UACA: variants seen among roughly 807,000 people sequenced by gnomAD.
UACA encodes uveal autoantigen with coiled-coil domains and ankyrin repeats.
UACA carries 112 observed loss-of-function variants against 160.5 expected under a neutral mutation model. The ratio of observed to expected loss-of-function variants is 0.70; its 90% CI spans 0.60 to 0.82. The LOEUF is 0.82. UACA is among the 40% of genes least tolerant of loss of function. The pLI, the probability that UACA is intolerant of heterozygous loss-of-function variation, is 0.00. For missense variants in UACA, 1,574 were observed against 1,614.6 expected, an observed-to-expected ratio of 0.97 and a Z score of 0.43; for synonymous variants, 557 against 568.4, an observed-to-expected ratio of 0.98 and a Z score of 0.29.
At chr15:70,715,514 T>C (rs1222604544) in intron 1 of UACA, among the ~76,000 whole-genome samples, 1 of 152,188 alleles carries the variant, frequency 6.6e-6, no homozygotes, top group Non-Finnish European at 1.5e-5. Flanking sequence ...ATTACACTAT[T>C]AGCCAATATT....
chr15:70,673,020 TG>T (rs1360514206), intron 13 of UACA, among the ~76,000 whole-genome samples: 1 of 152,130 alleles, frequency 6.6e-6, no homozygotes, highest in Non-Finnish European at 1.5e-5. Flanking sequence ...TGCTTGAACC[TG>T]GGAGGCGGAG....
At chr15:70,737,678 A>T (rs1899409974) in intron 1 of UACA, among the ~76,000 whole-genome samples, 1 of 152,242 alleles carries the variant, frequency 6.6e-6, no homozygotes, top group Admixed American at 6.5e-5. Flanking sequence ...ACTGTACTTT[A>T]ACCTGGGTGG....
chr15:70,699,520 T>C lies in UACA; in HGVS notation c.212+7A>G, dbSNP rs1376029473. On this transcript the variant is annotated splice_region_variant and intron_variant, in intron 2 of 18. Transcript: ENST00000322954. ...TCAGACATGCTTTTATCATCAATAA[T>C]ACTTACACAGATCTGCCTTCCACAT... 5 of 1,611,548 alleles carry C rather than the reference T, an allele frequency of 3.1e-6. No individual in the cohort carries two copies. Among genetic ancestry groups the C allele is most frequent in the Non-Finnish European group, 3.4e-6 (4 of 1,179,144 alleles).
At chr15:70,704,732 C>T (rs1440304008) in intron 1 of UACA, among the ~76,000 whole-genome samples, 1 of 152,110 alleles carries the variant, frequency 6.6e-6, no homozygotes, top group African/African-American at 2.4e-5. Flanking sequence ...TAGGCACTGG[C>T]GAGAGTCACA....
chr15:70,661,930 A>T (rs1029498999), intron 17 of UACA, among the ~76,000 whole-genome samples: 4 of 152,238 alleles, frequency 2.6e-5, no homozygotes, highest in African/African-American at 9.6e-5. Flanking sequence ...AACTGGAAGC[A>T]TTCCCTTTGA....
intron 1 of UACA, among the ~76,000 whole-genome samples, chr15:70,728,760 CA>C (rs1385601048): frequency 1.3e-5 from 2 of 152,068 alleles, no homozygotes; most frequent in African/African-American, 4.8e-5. Flanking sequence ...ACACAACCTA[CA>C]GAACAGGAGA....
intron 1 of UACA, among the ~76,000 whole-genome samples, chr15:70,748,416 A>G (rs1363529965): frequency 2.6e-5 from 4 of 152,196 alleles, no homozygotes; most frequent in African/African-American, 9.7e-5. Context: ...AGTGTTCTGC[A>G]TCAGTCTGCA....
chr15:70,700,578 T>C (rs1898321391), intron 1 of UACA, among the ~76,000 whole-genome samples: 1 of 151,646 alleles, frequency 6.6e-6, no homozygotes, highest in African/African-American at 2.4e-5. Context: ...AAGGTGGGGG[T>C]TTTAAGAAGG....
intron 1 of UACA, among the ~76,000 whole-genome samples, chr15:70,756,444 A>G (rs2030436774): frequency 6.6e-6 from 1 of 151,950 alleles, no homozygotes; most frequent in South Asian, 2.1e-4. Flanking sequence ...TACAGGCATG[A>G]GCCACTGTAC....
intron 1 of UACA, chr15:70,758,677 T>C (rs1384290131): frequency 6.6e-6 from 1 of 152,226 alleles, no homozygotes; most frequent in Non-Finnish European, 1.5e-5. Flanking sequence ...TTTCAGTTGC[T>C]ATATTTGTAA....
chr15:70,707,326 T>C (rs1156435229), intron 1 of UACA, among the ~76,000 whole-genome samples: 1 of 152,044 alleles, frequency 6.6e-6, no homozygotes, highest in Admixed American at 6.6e-5. Context: ...ACTATAAAAC[T>C]CCTAGAAGAA....
At chr15:70,729,543 C>T (rs1317626707) in intron 1 of UACA, among the ~76,000 whole-genome samples, 1 of 104,214 alleles carries the variant, frequency 9.6e-6, no homozygotes, top group Non-Finnish European at 1.8e-5. Context: ...AGGGACCCAC[C>T]GAGCTCCCAG....
In UACA at chr15:70,698,443, T is replaced by C. The variant is rs933066443; in HGVS notation, c.212+1084A>G. The stretch of plus-strand genomic sequence containing the variant: ...CTATAAATAGCTTAAAATTCAGTAA[T>C]GGGGCAAGATTCAAAATAACCAGTG... On this transcript the variant is annotated intron_variant, in intron 2 of 18. Transcript: ENST00000322954. Among the ~76,000 whole-genome samples the C allele has an allele frequency of 3.3e-5, 5 of 152,324 alleles. No homozygotes were observed. The East Asian group carries it at 9.6e-4, about 29-fold the overall frequency.
At chr15:70,749,690 C>G (rs1681376852) in intron 1 of UACA, among the ~76,000 whole-genome samples, 1 of 96,724 alleles carries the variant, frequency 1.0e-5, no homozygotes. Flanking sequence ...CAGAGGAAGA[C>G]TCCGTCTCAA....
At chr15:70,665,769 T>G (rs1896882665) in intron 16 of UACA, among the ~76,000 whole-genome samples, 1 of 152,166 alleles carries the variant, frequency 6.6e-6, no homozygotes, top group Admixed American at 6.5e-5. Context: ...AGAGATGGTG[T>G]GCCAGAGGAC....
chr15:70,661,404 G>C (rs1463886186), intron 17 of UACA: 1 of 152,048 alleles, frequency 6.6e-6, no homozygotes, highest in Non-Finnish European at 1.5e-5. Context: ...ACTTAGCACA[G>C]GGTCATGAAC....
the UACA span, among the ~76,000 whole-genome samples, chr15:70,771,531 T>C: frequency 2.0e-5 from 3 of 152,198 alleles, no homozygotes; most frequent in Non-Finnish European, 4.4e-5. Flanking sequence ...CTCCAGCAAG[T>C]ATTGGTTTTC....
At chr15:70,707,036 A>T (rs1374399379) in intron 1 of UACA, among the ~76,000 whole-genome samples, 1 of 152,222 alleles carries the variant, frequency 6.6e-6, no homozygotes, top group Non-Finnish European at 1.5e-5. Context: ...ATTTCAAAGC[A>T]TATTATGAAG....
intron 1 of UACA, among the ~76,000 whole-genome samples, chr15:70,762,313 A>G (rs2030812590): frequency 6.6e-6 from 1 of 152,236 alleles, no homozygotes; most frequent in Non-Finnish European, 1.5e-5. Context: ...GAATATAATC[A>G]TTTGGTAAAA....
Sources: gnomAD v4.1 joint callset for allele counts (sites outside exome capture counted in the v4.1 genomes callset) on GRCh38, gnomAD v4.1.1 for gene constraint, MANE v1.5 for transcripts, NCBI Gene and HGNC (gene_info 2026-07-23, HGNC 2026-07-21) for gene names.